The following COL21A1 variants were observed in gnomAD, a reference collection of about 807,000 sequenced individuals.
COL21A1 encodes the protein collagen alpha-1(XXI) chain.
Under a neutral mutation model 137.9 loss-of-function variants are expected in COL21A1, and 149 were observed. The ratio of observed to expected loss-of-function variants is 1.08; its 90% CI spans 0.95 to 1.24. The LOEUF (loss-of-function observed/expected upper bound fraction) is 1.24. Among genes scored for constraint, COL21A1 ranks in the 50% most tolerant of loss-of-function variants. COL21A1 has a pLI of 0.00. For synonymous variants in COL21A1, 456 were observed against 391.5 expected (o/e 1.16, Z -1.95); for missense variants, 1,167 against 1,158.4 (o/e 1.01, Z -0.11).
At chr6:56,377,898 G>A (rs1339673584) in intron 1 of COL21A1, among the ~76,000 whole-genome samples, 2 of 152,120 alleles carry the variant, frequency 1.3e-5, no homozygotes, top group African/African-American at 4.8e-5. Flanking sequence ...GCAGGATAGG[G>A]CACTGGTCAG....
chr6:56,260,667 G>A (rs1405763625), intron 1 of COL21A1, among the ~76,000 whole-genome samples: 1 of 131,178 alleles, frequency 7.6e-6, no homozygotes, highest in East Asian at 2.0e-4. Flanking sequence ...AATGAAGGAA[G>A]GAAGGAAGGA....
chr6:56,186,091 G>T (rs918757849), intron 1 of COL21A1, among the ~76,000 whole-genome samples: 3 of 151,640 alleles, frequency 2.0e-5, no homozygotes, highest in Non-Finnish European at 4.4e-5. Context: ...TATGAACAAG[G>T]ATATAAAAAT....
chr6:56,113,110 G>C (rs1490224728), intron 16 of COL21A1, among the ~76,000 whole-genome samples: 1 of 152,186 alleles, frequency 6.6e-6, no homozygotes, highest in Non-Finnish European at 1.5e-5. Context: ...ACTTGAAAGG[G>C]AGCCTAGGCC....
intron 22 of COL21A1, among the ~76,000 whole-genome samples, chr6:56,067,648 T>C (rs1766384603): frequency 6.6e-6 from 1 of 151,918 alleles, no homozygotes; most frequent in East Asian, 1.9e-4. Context: ...AGAGAGGACT[T>C]ATTTTGACAA....
intron 16 of COL21A1, among the ~76,000 whole-genome samples, chr6:56,112,093 T>C (rs1771481285): frequency 6.6e-6 from 1 of 152,118 alleles, no homozygotes; most frequent in South Asian, 2.1e-4. Context: ...AATATGGGTA[T>C]AAATTAGTGG....
At chr6:56,330,080 T>C (rs191033762) in intron 1 of COL21A1, among the ~76,000 whole-genome samples, 1 of 152,258 alleles carries the variant, frequency 6.6e-6, no homozygotes. Flanking sequence ...ACAAGCACAC[T>C]TGGTTTTCTA....
chr6:56,243,666 C>T (rs1339534697), intron 1 of COL21A1, among the ~76,000 whole-genome samples: 2 of 152,228 alleles, frequency 1.3e-5, no homozygotes, highest in African/African-American at 2.4e-5. Context: ...CTCCTCACAA[C>T]AGCCCTACTG....
chr6:56,293,071 C>A (rs77817721), intron 1 of COL21A1, among the ~76,000 whole-genome samples: 12,211 of 152,156 alleles, frequency 0.08, 544 homozygotes, highest in Middle Eastern at 0.14. Flanking sequence ...GAAGATTCTG[C>A]ATAATTTTAA....
chr6:56,264,084 C>T (rs1486943048), intron 1 of COL21A1, among the ~76,000 whole-genome samples: 1 of 152,140 alleles, frequency 6.6e-6, no homozygotes, highest in Non-Finnish European at 1.5e-5. Context: ...ATACATAGCA[C>T]ATAAGACATA....
intron 1 of COL21A1, among the ~76,000 whole-genome samples, chr6:56,319,999 T>C (rs1175192904): frequency 6.6e-6 from 1 of 152,166 alleles, no homozygotes; most frequent in Non-Finnish European, 1.5e-5. Flanking sequence ...ACCATCTAGA[T>C]ATTGACAACT....
intron 1 of COL21A1, among the ~76,000 whole-genome samples, chr6:56,212,502 G>A (rs1313027611): frequency 6.6e-6 from 1 of 151,928 alleles, no homozygotes; most frequent in Non-Finnish European, 1.5e-5. Flanking sequence ...TATTGATAAG[G>A]ACTTAGCATT....
chr6:56,121,063 T>C (rs534660778), intron 16 of COL21A1, among the ~76,000 whole-genome samples: 1 of 152,224 alleles, frequency 6.6e-6, no homozygotes, highest in African/African-American at 2.4e-5. Context: ...TGCAACAACA[T>C]GGATCAAACT....
intron 1 of COL21A1, among the ~76,000 whole-genome samples, chr6:56,232,135 C>T (rs1484079523): frequency 6.6e-6 from 1 of 151,762 alleles, no homozygotes; most frequent in African/African-American, 2.4e-5. Flanking sequence ...TATAATTGGG[C>T]ACTGGAATGT....
At chr6:56,233,011 TA>T (rs753662495) in intron 1 of COL21A1, among the ~76,000 whole-genome samples, 19 of 151,748 alleles carry the variant, frequency 1.3e-4, no homozygotes, top group Non-Finnish European at 1.9e-4. Context: ...CTGACAGAGG[TA>T]GGTGCCTTTC....
At chr6:56,092,523 TAA>T (rs1768941577) in intron 17 of COL21A1, among the ~76,000 whole-genome samples, 2 of 152,048 alleles carry the variant, frequency 1.3e-5, no homozygotes, top group African/African-American at 4.8e-5. Context: ...ATAGACAAAT[TAA>T]GTTTTTAAAA....
rs538795010 is a variant in COL21A1, at chr6:56,221,158, C to T, written c.-39+26229G>A. Among the ~76,000 whole-genome samples, 3 of 152,226 alleles carry T rather than the reference C, an allele frequency of 2.0e-5. No individual in the cohort carries two copies. The South Asian group carries it at 6.2e-4, about 32-fold the overall frequency. On this transcript the variant is annotated intron_variant, in intron 1 of 29. Transcript: ENST00000244728. ...AGGAGGTTTGCAGCATCCTTCCACCCACCAGATGCTGGTAGCATCACCTCC... is the reference window on the plus strand; with the variant it reads ...AGGAGGTTTGCAGCATCCTTCCACCTACCAGATGCTGGTAGCATCACCTCC...
chr6:56,113,397 A>G (rs1015242896), intron 16 of COL21A1, among the ~76,000 whole-genome samples: 4 of 152,196 alleles, frequency 2.6e-5, no homozygotes, highest in African/African-American at 9.6e-5. Context: ...GCCAGAGTCA[A>G]GAGGCCCCCT....
chr6:56,189,381 C>T (rs1249209346), intron 1 of COL21A1, among the ~76,000 whole-genome samples: 1 of 151,264 alleles, frequency 6.6e-6, no homozygotes, highest in Non-Finnish European at 1.5e-5. Flanking sequence ...AATTGAAGAT[C>T]AACTTAATGA....
At chr6:56,201,289 G>A (rs1292440985) in intron 1 of COL21A1, among the ~76,000 whole-genome samples, 2 of 152,092 alleles carry the variant, frequency 1.3e-5, no homozygotes, top group African/African-American at 4.8e-5. Context: ...CTTTTGCTGT[G>A]CAGAAGCTCT....
Sources: allele counts gnomAD v4.1 joint callset (sites outside exome capture counted in the v4.1 genomes callset), GRCh38; gene constraint gnomAD v4.1.1; transcripts MANE v1.5; gene names NCBI Gene and HGNC (gene_info 2026-07-23, HGNC 2026-07-21).